The following RBFOX1 variants were observed in gnomAD, a reference collection of about 807,000 sequenced individuals.
RBFOX1 encodes the protein RNA binding fox-1 homolog 1, also known as RNA binding protein fox-1 homolog 1.
Under a neutral mutation model 57.7 loss-of-function variants are expected in RBFOX1, and 8 were observed. That is an observed-to-expected ratio of 0.14 (90% CI 0.08 to 0.25). The LOEUF is 0.25. RBFOX1 is among the 10% of genes least tolerant of loss of function. RBFOX1 has a pLI of 1.00. For missense variants in RBFOX1, 611 were observed against 548.5 expected (o/e 1.11, Z -1.14); for synonymous variants, 326 against 222.4 (o/e 1.47, Z -4.15).
chr16:5,269,077 G>C lies in RBFOX1; in HGVS notation c.219+28972G>C, dbSNP rs564864429. ...TTATAGGCACCTGCCACCATGCCTG[G>C]CTAATTTTTGTATTTTTTTAGTAGA... On this transcript the variant is annotated intron_variant, in intron 1 of 2. Transcript: ENST00000585867. Among the ~76,000 whole-genome samples, 4 of 152,314 alleles carry C rather than the reference G, an allele frequency of 2.6e-5. No individual in the cohort carries two copies. In the South Asian group the frequency reaches 8.3e-4, roughly 32 times the overall value.
intron 1 of RBFOX1, among the ~76,000 whole-genome samples, chr16:6,025,522 C>G (rs1266751085): frequency 6.6e-6 from 1 of 152,198 alleles, no homozygotes; most frequent in African/African-American, 2.4e-5. Context: ...CCTGCATGAG[C>G]AGCCGCACCC....
chr16:6,521,058 A>C (rs2096488518), intron 2 of RBFOX1, among the ~76,000 whole-genome samples: 1 of 152,206 alleles, frequency 6.6e-6, no homozygotes, highest in East Asian at 1.9e-4. Flanking sequence ...TCCTTTAATC[A>C]AGCAATTCCA....
In RBFOX1 at chr16:5,582,364, G is replaced by A. The variant is rs376309560; in HGVS notation, c.259-16538G>A. On this transcript the variant is annotated intron_variant, in intron 2 of 2. Coordinates refer to the RBFOX1 transcript ENST00000585867. ...CCACACAGGGCATTGGACTGGAGCC[G>A]GTGGAAAACATGGACCACACTGGCC... is the stretch of plus-strand genomic sequence containing the variant. Among the ~76,000 whole-genome samples the A allele has an allele frequency of 9.3e-4, 141 of 152,172 alleles. 4 individuals are homozygous for A. In the South Asian group the frequency reaches 0.028, roughly 30 times the overall value.
intron 4 of RBFOX1, among the ~76,000 whole-genome samples, chr16:7,160,771 C>A (rs908960433): frequency 6.6e-6 from 1 of 150,730 alleles, no homozygotes; most frequent in African/African-American, 2.4e-5. Context: ...TCCTCCTCCG[C>A]CTCCCCCTTT....
intron 4 of RBFOX1, among the ~76,000 whole-genome samples, chr16:5,910,274 A>G (rs911409100): frequency 3.3e-5 from 5 of 151,952 alleles, no homozygotes. Context: ...TCTCAGGGAG[A>G]AGTTTCACAT....
chr16:5,922,581 C>T (rs997693784), intron 4 of RBFOX1, among the ~76,000 whole-genome samples: 20 of 152,094 alleles, frequency 1.3e-4, no homozygotes, highest in Admixed American at 9.2e-4. Context: ...GAAGTGTCCC[C>T]GTGGTGCACA....
At chr16:6,308,306 A>G (rs1234233249) in intron 1 of RBFOX1, among the ~76,000 whole-genome samples, 1 of 152,064 alleles carries the variant, frequency 6.6e-6, no homozygotes, top group South Asian at 2.1e-4. Flanking sequence ...CTTATTCCTT[A>G]TGTAGATCCT....
upstream of RBFOX1, among the ~76,000 whole-genome samples, chr16:6,015,745 G>C (rs1460236216): frequency 1.3e-5 from 2 of 152,144 alleles, no homozygotes; most frequent in East Asian, 1.9e-4. Flanking sequence ...ATTTAGACAC[G>C]ATCTTCTCTA....
At chr16:7,176,062 G>T (rs1234068463) in intron 4 of RBFOX1, among the ~76,000 whole-genome samples, 7 of 151,808 alleles carry the variant, frequency 4.6e-5, no homozygotes, top group Non-Finnish European at 1.0e-4. Flanking sequence ...TCAGCCAATA[G>T]CAGTCTCCAC....
chr16:7,502,817 G>A (rs1458918611), intron 4 of RBFOX1, among the ~76,000 whole-genome samples: 2 of 152,072 alleles, frequency 1.3e-5, no homozygotes, highest in East Asian at 3.9e-4. Context: ...TGAGGTCAGG[G>A]TTTGAGACCA....
intron 2 of RBFOX1, among the ~76,000 whole-genome samples, chr16:5,551,719 C>T (rs957776075): frequency 6.6e-6 from 1 of 152,062 alleles, no homozygotes; most frequent in African/African-American, 2.4e-5. Context: ...GTTTGCCGCA[C>T]CTATGAGCCT....
chr16:7,142,066 C>G (rs1055434111), intron 4 of RBFOX1, among the ~76,000 whole-genome samples: 1 of 151,986 alleles, frequency 6.6e-6, no homozygotes, highest in Non-Finnish European at 1.5e-5. Context: ...CTCTGTTGCC[C>G]AGGCTGGAGT....
chr16:6,376,235 C>A (rs1392294726), intron 2 of RBFOX1, among the ~76,000 whole-genome samples: 1 of 152,144 alleles, frequency 6.6e-6, no homozygotes, highest in Non-Finnish European at 1.5e-5. Flanking sequence ...TATGTTCCTG[C>A]TTATGTCCTA....
chr16:7,471,428 C>T (rs140897834), intron 4 of RBFOX1, among the ~76,000 whole-genome samples: 2 of 152,280 alleles, frequency 1.3e-5, no homozygotes, highest in African/African-American at 4.8e-5. Context: ...CCAAAGTTTG[C>T]ACCACCTGAT....
chr16:7,034,743 A>G (rs958577726), intron 3 of RBFOX1, among the ~76,000 whole-genome samples: 13 of 149,462 alleles, frequency 8.7e-5, no homozygotes, highest in African/African-American at 3.0e-4. Context: ...TTTATTGTGA[A>G]TTACCTGGGG....
At chr16:6,504,029 TTCTTA>T (rs1188860045) in intron 2 of RBFOX1, among the ~76,000 whole-genome samples, 1 of 152,202 alleles carries the variant, frequency 6.6e-6, no homozygotes, top group Non-Finnish European at 1.5e-5. Flanking sequence ...GTATGCATCT[TTCTTA>T]TCTTTTATTG....
intron 1 of RBFOX1, among the ~76,000 whole-genome samples, chr16:5,247,254 T>C (rs1245036923): frequency 6.6e-6 from 1 of 152,208 alleles, no homozygotes; most frequent in Admixed American, 6.5e-5. Context: ...AAGTGCAGGA[T>C]GCTCCTGGTC....
chr16:6,607,241 C>T (rs573601909), intron 2 of RBFOX1, among the ~76,000 whole-genome samples: 1 of 152,058 alleles, frequency 6.6e-6, no homozygotes, highest in Admixed American at 6.6e-5. Context: ...TGCTTTGAAC[C>T]ATCTTGGAAC....
At chr16:6,804,612 A>G (rs990261434) in intron 3 of RBFOX1, among the ~76,000 whole-genome samples, 2 of 152,200 alleles carry the variant, frequency 1.3e-5, no homozygotes, top group African/African-American at 2.4e-5. Flanking sequence ...AAGTTTCACA[A>G]TGTGTTCTTT....
Sources: allele counts gnomAD v4.1 joint callset (sites outside exome capture counted in the v4.1 genomes callset), GRCh38; gene constraint gnomAD v4.1.1; transcripts MANE v1.5; gene names NCBI Gene and HGNC (gene_info 2026-07-23, HGNC 2026-07-21).